Variants in MAD2L2 observed in about 807,000 individuals in gnomAD.
MAD2L2 encodes mitotic spindle assembly checkpoint protein MAD2B.
MAD2L2 carries 17 observed loss-of-function variants against 30.5 expected under a neutral mutation model. That is an observed-to-expected ratio of 0.56 (90% CI 0.38 to 0.84). The LOEUF (loss-of-function observed/expected upper bound fraction) is 0.84, where lower values mean the gene tolerates loss of function less well. MAD2L2 is among the 40% of genes least tolerant of loss of function. The pLI is 0.00. For missense variants in MAD2L2, 213 were observed against 277.4 expected (o/e 0.77, Z 1.65); for synonymous variants, 101 against 113.9 (o/e 0.89, Z 0.72).
chr1:11,680,867 G>T, intron 1 of MAD2L2, 172 bp downstream of exon 1: 2 of 1,057,578 alleles, frequency 1.9e-6, no homozygotes, highest in African/African-American at 1.6e-5. Context: ...CCACAGCTGT[G>T]CCCCCGAAAA....
At chr1:11,683,345 GA>G (rs1387493642), upstream of MAD2L2, among the ~76,000 whole-genome samples, 2 of 152,188 alleles carry the variant, frequency 1.3e-5, no homozygotes, top group Non-Finnish European at 2.9e-5. Context: ...TTTCCTTGGG[GA>G]AACTGAGGTC....
chr1:11,685,933 T>C (rs531338817), upstream of MAD2L2, among the ~76,000 whole-genome samples: 7 of 152,162 alleles, frequency 4.6e-5, no homozygotes, highest in African/African-American at 1.7e-4. Context: ...ACCTGGGTTA[T>C]AAAGTGAGAC....
upstream of MAD2L2, among the ~76,000 whole-genome samples, chr1:11,685,388 G>A (rs1363151607): frequency 2.6e-5 from 4 of 152,118 alleles, no homozygotes; most frequent in Admixed American, 6.6e-5. Flanking sequence ...TTCAGTGCCC[G>A]GGCTATGGGT....
intron 6 of MAD2L2, 55 bp from the exon 7 acceptor site, chr1:11,675,786 G>T: frequency 7.1e-7 from 1 of 1,415,350 alleles, no homozygotes; most frequent in African/African-American, 1.4e-5. Context: ...GCCAGCCACT[G>T]GGCCCAGCCT....
chr1:11,678,765 C>T (rs1337571915), intron 3 of MAD2L2, among the ~76,000 whole-genome samples: 5 of 152,180 alleles, frequency 3.3e-5, no homozygotes, highest in Non-Finnish European at 5.9e-5. Context: ...ATATCGCCAG[C>T]GGAAAATGCA....
At chr1:11,677,210 A>C in intron 4 of MAD2L2, 1 of 602,906 alleles carries the variant, frequency 1.7e-6, no homozygotes. Flanking sequence ...ATGGGGAAGA[A>C]ACCCTGAGGG....
chr1:11,687,091 G>A lies in MAD2L2; in HGVS notation c.-692+4322C>T, dbSNP rs1187363905. 6.6e-6 allele frequency among the ~76,000 whole-genome samples: 1 copy of A among 151,790 alleles called. No individual in the cohort carries two copies. Among genetic ancestry groups the A allele is most frequent in the Non-Finnish European group, 1.5e-5 (1 of 67,974 alleles). ...TTTTTATTTTATTTTTTGGAGACAG[G>A]GTCTCACTCTGTCATCTAGGCTGGA... On this transcript the variant is annotated intron_variant, in intron 1 of 10. Coordinates refer to the MAD2L2 transcript ENST00000235310. The surrounding 1 kb of genome is among the most constrained non-coding windows in gnomAD (Gnocchi z 4.1).
At chr1:11,680,700 A>G (rs917319745) in intron 1 of MAD2L2, 87 bp from the exon 2 acceptor site, 62 of 1,483,180 alleles carry the variant, frequency 4.2e-5, no homozygotes, top group Non-Finnish European at 5.1e-5. Flanking sequence ...CCCTCCCCAC[A>G]GTCTGTGGGA....
chr1:11,691,261 G>T lies in MAD2L2; in HGVS notation c.-692+152C>A, dbSNP rs1449110669. ...GACAGACGCGGCCGCAGCTGAGCGCGCAGCCTCGCTCCATTGTTGGGGTCC... is the reference window on the plus strand; with the variant it reads ...GACAGACGCGGCCGCAGCTGAGCGCTCAGCCTCGCTCCATTGTTGGGGTCC... On this transcript the variant is annotated intron_variant, in intron 1 of 10. Coordinates refer to the MAD2L2 transcript ENST00000235310. 1.8e-4 allele frequency among the ~76,000 whole-genome samples: 27 copies of T among 151,996 alleles called. 1 individual carries two copies. Among genetic ancestry groups the T allele is most frequent in the Admixed American group, 1.8e-3 (27 of 15,272 alleles).
At chr1:11,681,183 G>GC (rs1049330555), upstream of MAD2L2, 3 of 152,090 alleles carry the variant, frequency 2.0e-5, no homozygotes, top group African/African-American at 7.2e-5. Context: ...CCTAGCGCCC[G>GC]CCCCGCCCAG....
chr1:11,675,659 T>C lies in MAD2L2; in HGVS notation c.500A>G (p.Lys167Arg). The change falls in exon 7 of 9, where the codon AAG becomes AGG. Residue 167 changes from lysine (K) to arginine (R), a missense_variant and splice_region_variant. Lys to Arg is a conservative substitution (Grantham distance 26, BLOSUM62 2). Transcript: ENST00000376692. ...TRNMEKIQVI[K>R]DFPWILADEQ... ...AGACCCAGACCCATCTCATCTCACCTTGATGACCTGGATCTTCTCCATGTT... is the reference window on the plus strand; with the variant it reads ...AGACCCAGACCCATCTCATCTCACCCTGATGACCTGGATCTTCTCCATGTT... 1.2e-6 allele frequency: 2 copies of C among 1,613,924 alleles called. No individual in the cohort carries two copies. Among genetic ancestry groups the C allele is most frequent in the Admixed American group, 1.7e-5 (1 of 60,014 alleles).
chr1:11,675,925 T>G, intron 6 of MAD2L2, 121 bp downstream of exon 6: 1 of 932,936 alleles, frequency 1.1e-6, no homozygotes, highest in Non-Finnish European at 1.8e-6. Flanking sequence ...CCAGAGGAGG[T>G]GGACTCTCAG....
In MAD2L2 at chr1:11,690,282, G is replaced by C. The variant is rs995013561; in HGVS notation, c.-692+1131C>G. ...AGTAGGTGTTCAATAGGTATTTATG[G>C]GATGGATGACTCAAACCTTTCAGTG... On this transcript the variant is annotated intron_variant, in intron 1 of 10. Transcript: ENST00000235310. The surrounding 1 kb of genome is among the most constrained non-coding windows in gnomAD (Gnocchi z 4.2). 6.6e-6 allele frequency among the ~76,000 whole-genome samples: 1 copy of C among 152,054 alleles called. No individual in the cohort carries two copies. Among genetic ancestry groups the C allele is most frequent in the Non-Finnish European group, 1.5e-5 (1 of 68,018 alleles).
At chr1:11,678,097 T>C (rs1365243624) in intron 3 of MAD2L2, among the ~76,000 whole-genome samples, 1 of 149,458 alleles carries the variant, frequency 6.7e-6, no homozygotes, top group East Asian at 2.0e-4. Flanking sequence ...ACTGTGAACT[T>C]ATCCATAGAG....
At chr1:11,681,707 C>T (rs1438722186), upstream of MAD2L2, 2 of 152,316 alleles carry the variant, frequency 1.3e-5, no homozygotes, top group Non-Finnish European at 2.9e-5. Context: ...GATGAACCCT[C>T]CCCGCCCTAC....
chr1:11,681,066 A>G lies in MAD2L2; in HGVS notation c.-40T>C, dbSNP rs1200461230. The G allele has an allele frequency of 1.3e-5, 2 of 152,678 alleles. No homozygotes were observed. The highest frequency in any genetic ancestry group is 2.0e-4 in the South Asian group (1 of 4,916). 9.5% of individuals were successfully genotyped at this position (152,678 alleles called of 1,614,324 possible). A position where few individuals can be genotyped will look rare whatever the true frequency, so the allele number is the denominator to read the frequency against. On this transcript the variant is annotated 5_prime_UTR_variant, in exon 1 of 9. Transcript: ENST00000376692. ...GCTCTGCGCTCGGTTCCCGCCCGAG[A>G]TCGGGCCCGGCCCCGCCGCGGGGAG...
At position 11,677,617 on chromosome 1, in the gene MAD2L2, G is replaced by T; in HGVS notation, c.160-3C>A. 1.2e-6 allele frequency: 2 copies of T among 1,612,262 alleles called. No individual in the cohort carries two copies. ...TTCAGCTCCGGGTGGCAGGACATCT[G>T]CACACAATACCATGCGGCTCGTGAG... On this transcript the variant is annotated splice_region_variant and splice_polypyrimidine_tract_variant and intron_variant, in intron 3 of 8. Coordinates refer to ENST00000376692, the MANE Select transcript of MAD2L2 (RefSeq NM_006341.4).
intron 1 of MAD2L2, among the ~76,000 whole-genome samples, chr1:11,686,466 G>A (rs895044310): frequency 3.3e-5 from 5 of 152,068 alleles, no homozygotes; most frequent in South Asian, 2.1e-4. Flanking sequence ...ACAGGGTCTC[G>A]CTGTGTTACC....
chr1:11,681,745 G>C (rs1045130590), upstream of MAD2L2: 5 of 152,396 alleles, frequency 3.3e-5, no homozygotes, highest in Admixed American at 2.6e-4. Flanking sequence ...GACCTTTTTG[G>C]AGCTCCAGCC....
Sources: gnomAD v4.1 joint callset for allele counts (sites outside exome capture counted in the v4.1 genomes callset) on GRCh38, gnomAD v4.1.1 for gene constraint, Gnocchi (gnomAD v3.1) non-coding constraint, MANE v1.5 for transcripts, NCBI Gene and HGNC (gene_info 2026-07-23, HGNC 2026-07-21) for gene names.